PNPLA7: variants seen among roughly 807,000 people sequenced by gnomAD.
PNPLA7 encodes patatin-like phospholipase domain-containing protein 7.
A neutral mutation model predicts 161.7 loss-of-function variants in PNPLA7; 153 were observed. The observed-to-expected ratio is 0.95, with a 90% CI of 0.83 to 1.08. The LOEUF (loss-of-function observed/expected upper bound fraction) is 1.08. PNPLA7 is among the 50% of genes least tolerant of loss of function. The pLI, the probability that PNPLA7 is intolerant of heterozygous loss-of-function variation, is 0.00. For synonymous variants in PNPLA7, 809 were observed against 782.1 expected (o/e 1.03, Z -0.57); for missense variants, 1,739 against 1,856.6 (o/e 0.94, Z 1.16).
At position 137,478,954 on chromosome 9, in the gene PNPLA7, G is replaced by A. The variant is rs990951086; in HGVS notation, c.2763+102C>T. 3.1e-5 allele frequency: 43 copies of A among 1,366,978 alleles called. No individual in the cohort carries two copies. In the South Asian group the frequency reaches 4.8e-4, roughly 15 times the overall value. 84.7% of individuals were successfully genotyped at this position (1,366,978 alleles called of 1,614,324 possible). A position where few individuals can be genotyped will look rare whatever the true frequency, so the allele number is the denominator to read the frequency against. ...ACAAGCACAGGAAGGGCCCAGGAGC[G>A]CAGGTGTCAGGGAATCAGGTGGGGA... is the stretch of plus-strand genomic sequence containing the variant. On this transcript the variant is annotated intron_variant, in intron 24 of 34. Coordinates refer to ENST00000406427, the MANE Select transcript of PNPLA7 (RefSeq NM_001098537.3).
At chr9:137,471,471 C>A (rs1353156323) in intron 25 of PNPLA7, among the ~76,000 whole-genome samples, 2 of 148,602 alleles carry the variant, frequency 1.3e-5, no homozygotes, top group Admixed American at 6.8e-5. Context: ...TGGTGGCAGG[C>A]ACCTGTAATC....
chr9:137,478,895 C>A (rs1411429542), intron 24 of PNPLA7, 161 bp downstream of exon 24: 8 of 1,062,558 alleles, frequency 7.5e-6, no homozygotes, highest in Non-Finnish European at 1.0e-5. Context: ...GCCCAAAGGG[C>A]AAGATGAAGG....
At chr9:137,511,083 A>G (rs1433092383) in intron 12 of PNPLA7, among the ~76,000 whole-genome samples, 1 of 152,246 alleles carries the variant, frequency 6.6e-6, no homozygotes, top group Non-Finnish European at 1.5e-5. Context: ...TCACGCCCAG[A>G]TAAGGGCCGC....
In PNPLA7 at chr9:137,550,279, C is replaced by T; in HGVS notation, c.-82G>A. The T allele has an allele frequency of 6.9e-7, 1 of 1,439,330 alleles. No homozygotes were observed. Among genetic ancestry groups the T allele is most frequent in the Non-Finnish European group, 9.8e-7 (1 of 1,023,496 alleles). 89.2% of individuals were successfully genotyped at this position (1,439,330 alleles called of 1,614,324 possible). A position where few individuals can be genotyped will look rare whatever the true frequency, so the allele number is the denominator to read the frequency against. ...GGGCACACCTCTACCCGCTCATGCT[C>T]ACACCTGGACACTTTTCCCTGGGTT... On this transcript the variant is annotated 5_prime_UTR_variant, in exon 1 of 35. Transcript: ENST00000406427.
intron 8 of PNPLA7, among the ~76,000 whole-genome samples, chr9:137,531,697 G>A (rs915126239): frequency 3.9e-5 from 6 of 152,200 alleles, no homozygotes; most frequent in Non-Finnish European, 8.8e-5. Context: ...GAAAGGTGAG[G>A]AATCCTGGTG....
At chr9:137,463,390 G>A (rs776951287) in intron 29 of PNPLA7, 25 bp downstream of exon 29, 7 of 1,573,366 alleles carry the variant, frequency 4.4e-6, no homozygotes, top group South Asian at 1.1e-5. Flanking sequence ...TGCTCCTGCC[G>A]GGCGTGGTCC....
rs1436647470 is a variant in PNPLA7 at position 137,499,324 on chromosome 9, AGACACACGCAGACACAC to A, written c.1758-1096_1758-1080del. Among the ~76,000 whole-genome samples the A allele has an allele frequency of 2.6e-5, 4 of 151,772 alleles. No individual in the cohort carries two copies. Among genetic ancestry groups the A allele is most frequent in the African/African-American group, 4.8e-5 (2 of 41,292 alleles). On this transcript the variant is annotated intron_variant, in intron 16 of 34. Transcript: ENST00000406427. The surrounding 1 kb of genome is among the most constrained non-coding windows in gnomAD (Gnocchi z 5.5). ...CATGCAGACACATGGAGACACACAG[AGACACACGCAGACACAC>A]GACACACGCAGACACACAGATAGAC...
At chr9:137,507,740 T>C (rs1488725386) in intron 12 of PNPLA7, among the ~76,000 whole-genome samples, 1 of 144,078 alleles carries the variant, frequency 6.9e-6, no homozygotes, top group Admixed American at 6.7e-5. Context: ...CAAAACTCCA[T>C]CTCAAAATAA....
intron 20 of PNPLA7, among the ~76,000 whole-genome samples, chr9:137,489,217 G>A (rs372213682): frequency 5.9e-5 from 9 of 152,326 alleles, no homozygotes; most frequent in African/African-American, 2.2e-4. Flanking sequence ...TCAGGTGTTC[G>A]GGTCTGAGAG....
chr9:137,547,640 G>A lies in PNPLA7; in HGVS notation c.50C>T (p.Thr17Ile). 1.2e-6 allele frequency: 2 copies of A among 1,613,090 alleles called. No homozygotes were observed. Among genetic ancestry groups the A allele is most frequent in the East Asian group, 2.2e-5 (1 of 44,874 alleles). ...DSPQADFCLG[T>I]ALHSWGLWFT... is the part of the protein sequence containing the mutation. ...CCACAGTCCCCAAGAGTGCAGGGCGGTGCCCAGGCAGAAGTCAGCCTGCAG... is the reference window on the plus strand; with the variant it reads ...CCACAGTCCCCAAGAGTGCAGGGCGATGCCCAGGCAGAAGTCAGCCTGCAG... The change falls in exon 2 of 35, where the codon ACC becomes ATC. Residue 17 changes from threonine to isoleucine, a missense_variant. By Grantham distance (89) the Thr-to-Ile change is moderately conservative. Around this residue, in one of 6 missense-constraint regions of PNPLA7, gnomAD observed 209 missense variants for 252.8 expected, o/e 0.83. Coordinates refer to ENST00000406427, the MANE Select transcript of PNPLA7 (RefSeq NM_001098537.3). This position sits in a 1 kb window ranked among gnomAD's most constrained non-coding sequence, Gnocchi z 4.6.
chr9:137,515,163 G>T (rs1046366776), intron 12 of PNPLA7, among the ~76,000 whole-genome samples: 1 of 152,030 alleles, frequency 6.6e-6, no homozygotes, highest in East Asian at 1.9e-4. Context: ...GGGCAGGCAC[G>T]CAGAGGAGCA....
chr9:137,534,863 A>C (rs1478851097), intron 8 of PNPLA7, among the ~76,000 whole-genome samples: 1 of 152,014 alleles, frequency 6.6e-6, no homozygotes, highest in African/African-American at 2.4e-5. Context: ...TGAGACCTTA[A>C]CCCCAGCAGG....
Position 137,460,026 on chromosome 9 carries a change from A to G in PNPLA7, c.*367T>C. ...TCCCACACCTCACAGGGCAGCAGGC[A>G]GTTCACAGGACAGCAGGCAGTTCAC... On this transcript the variant is annotated 3_prime_UTR_variant, in exon 35 of 35. Coordinates refer to ENST00000406427, the MANE Select transcript of PNPLA7 (RefSeq NM_001098537.3). 8.7e-6 allele frequency: 2 copies of G among 230,000 alleles called. No individual in the cohort carries two copies. Among genetic ancestry groups the G allele is most frequent in the Non-Finnish European group, 1.8e-5 (2 of 111,804 alleles). The allele number at this position is 230,000 out of a possible 1,614,324, so 14.2% of individuals were successfully genotyped here. A position where few individuals can be genotyped will look rare whatever the true frequency, so the allele number is the denominator to read the frequency against.
Position 137,539,024 on chromosome 9 carries a change from C to T in PNPLA7, c.747+1618G>A, listed in dbSNP as rs565715260. Among the ~76,000 whole-genome samples, 13 of 152,264 alleles carry T rather than the reference C, an allele frequency of 8.5e-5. No individual in the cohort carries two copies. In the South Asian group the frequency reaches 2.7e-3, roughly 32 times the overall value. ...CCAAGATCGTGGCACTGCACTCCAG[C>T]CTGGGCAACAGAGCAAGACCCTGTC... On this transcript the variant is annotated intron_variant, in intron 8 of 34. Coordinates refer to ENST00000406427, the MANE Select transcript of PNPLA7 (RefSeq NM_001098537.3).
rs1835224119 is a variant in PNPLA7 at position 137,524,902 on chromosome 9, G to A, written c.748-2045C>T. On this transcript the variant is annotated intron_variant, in intron 8 of 34. Coordinates refer to ENST00000406427, the MANE Select transcript of PNPLA7 (RefSeq NM_001098537.3). This position sits in a 1 kb window ranked among gnomAD's most constrained non-coding sequence, Gnocchi z 4.4. ...GGATGCCTGTCTTCACCAGCAGTTG[G>A]TGCCACCATGTCGCATAATAAAGAA... 6.6e-6 allele frequency among the ~76,000 whole-genome samples: 1 copy of A among 152,198 alleles called. No homozygotes were observed. The highest frequency in any genetic ancestry group is 1.5e-5 in the Non-Finnish European group (1 of 68,032).
chr9:137,549,531 C>T (rs548570990), intron 1 of PNPLA7, among the ~76,000 whole-genome samples: 116 of 143,424 alleles, frequency 8.1e-4, no homozygotes, highest in Admixed American at 1.3e-3. Flanking sequence ...GATCGTGCCA[C>T]TGCAATCCAG....
intron 12 of PNPLA7, among the ~76,000 whole-genome samples, chr9:137,512,382 A>G (rs1834284155): frequency 6.6e-6 from 1 of 152,156 alleles, no homozygotes; most frequent in African/African-American, 2.4e-5. Context: ...CGCACACCAC[A>G]CGGCTCCACT....
At chr9:137,471,546 C>T (rs923441035) in intron 25 of PNPLA7, among the ~76,000 whole-genome samples, 2 of 147,028 alleles carry the variant, frequency 1.4e-5, no homozygotes, top group African/African-American at 5.1e-5. Flanking sequence ...TGCAGTGAGC[C>T]GAGATCGCGC....
At chr9:137,460,935 G>C in intron 33 of PNPLA7, 198 bp from the exon 34 acceptor site, 1 of 575,642 alleles carries the variant, frequency 1.7e-6, no homozygotes, top group Admixed American at 3.1e-5. Context: ...CTTTGCCCCA[G>C]CACATCACTT....
Sources: gnomAD v4.1 joint callset for allele counts (sites outside exome capture counted in the v4.1 genomes callset) on GRCh38, gnomAD v4.1.1 for gene constraint, gnomAD v4.1.1 regional missense constraint, Gnocchi (gnomAD v3.1) non-coding constraint, MANE v1.5 for transcripts, NCBI Gene and HGNC (gene_info 2026-07-23, HGNC 2026-07-21) for gene names.